CACNB2: variants seen among roughly 807,000 people sequenced by gnomAD.
CACNB2 encodes calcium voltage-gated channel auxiliary subunit beta 2.
In CACNB2, 42 loss-of-function variants were observed where a neutral mutation model predicts 73.3. The ratio of observed to expected loss-of-function variants is 0.57; its 90% confidence interval spans 0.45 to 0.74. The LOEUF is 0.74. Ranked by LOEUF, CACNB2 falls within the 30% of genes least tolerant of loss-of-function variation. The probability of loss-of-function intolerance (pLI) is 0.00; values close to 1 mark genes in which losing one functional copy is unlikely to be tolerated. For missense variants in CACNB2, 940 were observed against 853.0 expected (o/e 1.10, Z -1.27); for synonymous variants, 348 against 310.3 (o/e 1.12, Z -1.28).
At chr10:18,361,985 C>A (rs1048995709) in intron 2 of CACNB2, among the ~76,000 whole-genome samples, 1 of 152,132 alleles carries the variant, frequency 6.6e-6, no homozygotes, top group African/African-American at 2.4e-5. Flanking sequence ...TACTGCTACA[C>A]ATTTTTTTAT....
At chr10:18,145,145 T>A (rs922287749) in intron 1 of CACNB2, among the ~76,000 whole-genome samples, 4 of 152,238 alleles carry the variant, frequency 2.6e-5, no homozygotes, top group African/African-American at 9.6e-5. Context: ...CAGCCGAGTC[T>A]GCCAGATGCT....
At chr10:18,194,320 C>T (rs2034534467) in intron 2 of CACNB2, among the ~76,000 whole-genome samples, 1 of 152,146 alleles carries the variant, frequency 6.6e-6, no homozygotes, top group Non-Finnish European at 1.5e-5. Flanking sequence ...TCCAGGCCCC[C>T]CAGCTGAAGG....
At chr10:18,477,873 A>G (rs145083494) in intron 3 of CACNB2, among the ~76,000 whole-genome samples, 15 of 152,288 alleles carry the variant, frequency 9.8e-5, no homozygotes, top group African/African-American at 2.6e-4. Context: ...AACTTCTTGC[A>G]TGGCTCAGCT....
At chr10:18,347,557 CTT>C (rs11326102) in intron 2 of CACNB2, among the ~76,000 whole-genome samples, 11 of 149,006 alleles carry the variant, frequency 7.4e-5, no homozygotes, top group South Asian at 4.3e-4. Flanking sequence ...CATCTCTAGG[CTT>C]TTTTTTTTCC....
chr10:18,329,658 A>G (rs986287610), intron 2 of CACNB2, among the ~76,000 whole-genome samples: 3 of 152,188 alleles, frequency 2.0e-5, no homozygotes, highest in African/African-American at 7.2e-5. Flanking sequence ...CACTGCAGAA[A>G]TTAATGAGAT....
intron 2 of CACNB2, among the ~76,000 whole-genome samples, chr10:18,151,966 G>C (rs2031599508): frequency 6.6e-6 from 1 of 152,168 alleles, no homozygotes; most frequent in Admixed American, 6.5e-5. Flanking sequence ...TTGTGTGGCA[G>C]GACTGTTTCC....
intron 2 of CACNB2, among the ~76,000 whole-genome samples, chr10:18,166,838 T>C (rs978127847): frequency 2.0e-5 from 3 of 152,164 alleles, no homozygotes; most frequent in Non-Finnish European, 4.4e-5. Context: ...GGCACATGTA[T>C]ACATATGTAA....
intron 3 of CACNB2, among the ~76,000 whole-genome samples, chr10:18,496,641 C>T (rs1318398191): frequency 1.3e-5 from 2 of 151,326 alleles, no homozygotes; most frequent in South Asian, 2.1e-4. Flanking sequence ...GGTGAAACGC[C>T]ATCTCTACTA....
At chr10:18,521,558 T>C (rs79005935) in intron 9 of CACNB2, among the ~76,000 whole-genome samples, 7,871 of 152,230 alleles carry the variant, frequency 0.052, 622 homozygotes, top group African/African-American at 0.17. Context: ...TCAGTAAGTA[T>C]TTATTGAGTA....
At chr10:18,267,841 CA>C (rs1470331842) in intron 2 of CACNB2, among the ~76,000 whole-genome samples, 2 of 152,168 alleles carry the variant, frequency 1.3e-5, no homozygotes, top group Non-Finnish European at 2.9e-5. Context: ...GAGGCAGTTT[CA>C]TGTGTGAATG....
intron 2 of CACNB2, among the ~76,000 whole-genome samples, chr10:18,269,546 C>T (rs1182297974): frequency 6.6e-6 from 1 of 152,156 alleles, no homozygotes; most frequent in African/African-American, 2.4e-5. Context: ...AGAAAATAGA[C>T]CTAGAAAAAA....
intron 2 of CACNB2, among the ~76,000 whole-genome samples, chr10:18,307,111 A>G (rs1196890845): frequency 6.6e-6 from 1 of 152,122 alleles, no homozygotes; most frequent in Non-Finnish European, 1.5e-5. Context: ...AAAAAAAATA[A>G]GCTAGGTGAA....
chr10:18,529,812 T>TATC (rs2133244121), intron 10 of CACNB2, among the ~76,000 whole-genome samples: 1 of 152,284 alleles, frequency 6.6e-6, no homozygotes, highest in Admixed American at 6.5e-5. Flanking sequence ...TTTATGTCCT[T>TATC]ATCTATCACA....
chr10:18,479,802 A>C (rs1398666860), intron 3 of CACNB2, among the ~76,000 whole-genome samples: 2 of 152,128 alleles, frequency 1.3e-5, no homozygotes, highest in African/African-American at 2.4e-5. Context: ...CCTCCTGTTA[A>C]GCCTGAGGAA....
At chr10:18,157,156 A>G (rs1302711057) in intron 2 of CACNB2, among the ~76,000 whole-genome samples, 1 of 152,202 alleles carries the variant, frequency 6.6e-6, no homozygotes, top group Admixed American at 6.5e-5. Context: ...TAGGTGCAAT[A>G]CATGATCACT....
intron 2 of CACNB2, among the ~76,000 whole-genome samples, chr10:18,278,407 A>C (rs1333165007): frequency 6.6e-6 from 1 of 152,078 alleles, no homozygotes; most frequent in African/African-American, 2.4e-5. Context: ...CTCCAGAAAG[A>C]CTTCTGGCGA....
At chr10:18,141,484 G>C (rs761763859) in intron 1 of CACNB2, among the ~76,000 whole-genome samples, 5 of 152,226 alleles carry the variant, frequency 3.3e-5, no homozygotes, top group Admixed American at 2.6e-4. Context: ...CTTAAGAAGC[G>C]AGTGAGCTGG....
intron 8 of CACNB2, 118 bp downstream of exon 8, chr10:18,518,534 TAGAG>T: frequency 1.3e-6 from 1 of 785,550 alleles, no homozygotes; most frequent in South Asian, 1.4e-5. Context: ...CTTTAGAGCT[TAGAG>T]AGCTCACAGC....
intron 3 of CACNB2, among the ~76,000 whole-genome samples, chr10:18,422,978 G>A (rs529233675): frequency 2.6e-5 from 4 of 152,340 alleles, no homozygotes; most frequent in Non-Finnish European, 2.9e-5. Flanking sequence ...GATTACAGGC[G>A]TGAGCCACTG....
Sources: gnomAD v4.1 joint callset for allele counts (sites outside exome capture counted in the v4.1 genomes callset) on GRCh38, gnomAD v4.1.1 for gene constraint, MANE v1.5 for transcripts, NCBI Gene and HGNC (gene_info 2026-07-23, HGNC 2026-07-21) for gene names.